Variants in PCDHGA4 observed in about 807,000 individuals in gnomAD.
PCDHGA4 encodes the protein protocadherin gamma-A4.
A neutral mutation model predicts 54.6 loss-of-function variants in PCDHGA4; 38 were observed. That is an observed-to-expected ratio of 0.70 (90% CI 0.54 to 0.91). The LOEUF is 0.91. PCDHGA4 is among the 40% of genes least tolerant of loss of function. PCDHGA4 has a pLI of 0.00. For synonymous variants in PCDHGA4, 511 were observed against 512.9 expected (o/e 1.00, Z 0.05); for missense variants, 1,298 against 1,220.9 (o/e 1.06, Z -0.94).
chr5:141,431,462 G>A lies in PCDHGA4; in HGVS notation c.2515-63345G>A. ...GCGCATCCGCGTGATGGTTCTGGAT[G>A]CGAACGACAACGCACCAGCGTTTGC... On this transcript the variant is annotated intron_variant, in intron 1 of 3. Transcript: ENST00000571252. This position sits in a 1 kb window ranked among gnomAD's most constrained non-coding sequence, Gnocchi z 4.8. 6.2e-7 allele frequency: 1 copy of A among 1,613,826 alleles called. No individual in the cohort carries two copies. The highest frequency in any genetic ancestry group is 2.2e-5 in the East Asian group (1 of 44,886).
chr5:141,364,114 T>C, intron 1 of PCDHGA4: 4 of 451,898 alleles, frequency 8.9e-6, no homozygotes, highest in Non-Finnish European at 1.5e-5. Flanking sequence ...TGGTTAGGAC[T>C]CTGAGTGTCG....
chr5:141,372,093 C>T (rs775337385), intron 1 of PCDHGA4: 1 of 1,613,786 alleles, frequency 6.2e-7, no homozygotes, highest in Admixed American at 1.7e-5. Flanking sequence ...GTACCCAGCT[C>T]TGGGGCCCGA....
intron 1 of PCDHGA4, chr5:141,398,674 A>T: frequency 6.2e-7 from 1 of 1,614,010 alleles, no homozygotes; most frequent in Non-Finnish European, 8.5e-7. Context: ...ATTAATAATT[A>T]AGGAGAAACA....
rs1688094877 is a variant in PCDHGA4 at position 141,432,625 on chromosome 5, C to T, written c.2515-62182C>T. 1.2e-6 allele frequency: 2 copies of T among 1,613,240 alleles called. No individual in the cohort carries two copies. The highest frequency in any genetic ancestry group is 1.7e-6 in the Non-Finnish European group (2 of 1,179,778). ...CGGGACTCTTCTCGGTGGGTCTGCA[C>T]ACGGGCGAGGTGCGCACGGCGCGAG... On this transcript the variant is annotated intron_variant, in intron 1 of 3. Coordinates refer to ENST00000571252, the MANE Select transcript of PCDHGA4 (RefSeq NM_018917.4). The surrounding 1 kb of genome is among the most constrained non-coding windows in gnomAD (Gnocchi z 6.0).
intron 1 of PCDHGA4, chr5:141,403,999 T>C (rs1399272947): frequency 3.1e-6 from 5 of 1,613,898 alleles, no homozygotes; most frequent in Non-Finnish European, 4.2e-6. Context: ...AAGTGACCAT[T>C]ACATCTCTGT....
Position 141,357,577 on chromosome 5 carries a change from A to T in PCDHGA4, c.2470A>T (p.Ile824Leu), listed in dbSNP as rs1202708968. 6.2e-7 allele frequency: 1 copy of T among 1,614,198 alleles called. No individual in the cohort carries two copies. Among genetic ancestry groups the T allele is most frequent in the East Asian group, 2.2e-5 (1 of 44,888 alleles). The change falls in exon 1 of 4, where the codon ATA (isoleucine) becomes TTA (leucine). Residue 824 changes from isoleucine (I) to leucine (L), a missense_variant. Physicochemically the swap from Ile to Leu is conservative, Grantham distance 5. Transcript: ENST00000571252. ...TTGTGAGAAAAGCGAGCCTCTTCTG[A>T]TAACTCAGGATTTACTTGAAACAAA... ...ESCEKSEPLL[I>L]TQDLLETKGD...
chr5:141,379,418 GA>G (rs1208942827), intron 1 of PCDHGA4: 1 of 152,186 alleles, frequency 6.6e-6, no homozygotes, highest in African/African-American at 2.4e-5. Context: ...TTAGTCTCAT[GA>G]GTTAGATGGG....
intron 1 of PCDHGA4, among the ~76,000 whole-genome samples, chr5:141,462,798 C>A (rs1458659959): frequency 6.6e-6 from 1 of 152,072 alleles, no homozygotes; most frequent in Non-Finnish European, 1.5e-5. Flanking sequence ...ATTTGCATGT[C>A]TAATAATGTT....
intron 1 of PCDHGA4, chr5:141,422,190 A>G (rs761351024): frequency 6.4e-7 from 1 of 1,561,412 alleles, no homozygotes. Flanking sequence ...TGGAAATTCA[A>G]GGCCAAGATG....
At chr5:141,414,496 C>T in intron 1 of PCDHGA4, 7 of 1,613,956 alleles carry the variant, frequency 4.3e-6, no homozygotes, top group Middle Eastern at 1.6e-4. Flanking sequence ...AACGGAAGCT[C>T]ACTTTATGCT....
chr5:141,392,785 T>G (rs1329989423), intron 1 of PCDHGA4: 2 of 1,549,000 alleles, frequency 1.3e-6, no homozygotes, highest in African/African-American at 2.7e-5. Flanking sequence ...ACAGTGAAGA[T>G]TCTGAGAGGA....
intron 1 of PCDHGA4, chr5:141,427,993 C>G: frequency 6.3e-7 from 1 of 1,599,460 alleles, no homozygotes; most frequent in South Asian, 1.1e-5. Flanking sequence ...CCCGATGGCT[C>G]CGCACTCTTC....
Position 141,491,034 on chromosome 5 carries a change from T to C in PCDHGA4, c.2515-3773T>C, listed in dbSNP as rs375902824. On this transcript the variant is annotated intron_variant, in intron 1 of 3. Coordinates refer to ENST00000571252, the MANE Select transcript of PCDHGA4 (RefSeq NM_018917.4). The surrounding 1 kb of genome is among the most constrained non-coding windows in gnomAD (Gnocchi z 6.9). The stretch of plus-strand genomic sequence containing the variant: ...CCAAGGTGACAGCCGTGGATGCTGA[T>C]GCAGGCCACAATGCGTGGCTCTCCT... 19 of 1,614,170 alleles carry C rather than the reference T, an allele frequency of 1.2e-5. No homozygotes were observed. Among genetic ancestry groups the C allele is most frequent in the East Asian group, 4.5e-5 (2 of 44,894 alleles).
intron 1 of PCDHGA4, chr5:141,367,540 A>G (rs965275207): frequency 2.6e-4 from 27 of 102,848 alleles, no homozygotes; most frequent in African/African-American, 1.6e-3. Context: ...CCGTCTCAAA[A>G]TAAATAAATA....
intron 1 of PCDHGA4, among the ~76,000 whole-genome samples, chr5:141,386,156 G>A (rs3806832): frequency 0.081 from 12,379 of 152,152 alleles, 653 homozygotes; most frequent in African/African-American, 0.15. Context: ...ACTGTCTCAC[G>A]TACTCAAACC....
intron 1 of PCDHGA4, chr5:141,419,596 G>A (rs377287183): frequency 2.6e-5 from 42 of 1,611,564 alleles, no homozygotes; most frequent in Non-Finnish European, 3.3e-5. Flanking sequence ...ACACAGTGCC[G>A]CGGGCCGCGC....
chr5:141,455,737 A>T (rs1290390106), intron 1 of PCDHGA4, among the ~76,000 whole-genome samples: 1 of 152,162 alleles, frequency 6.6e-6, no homozygotes, highest in Non-Finnish European at 1.5e-5. Context: ...TTTGCATATC[A>T]AAGGTTGCTG....
At chr5:141,375,512 C>G in intron 1 of PCDHGA4, 3 of 1,614,054 alleles carry the variant, frequency 1.9e-6, no homozygotes, top group Non-Finnish European at 2.5e-6. Flanking sequence ...TGTGAATGCA[C>G]TGGACCCTGA....
At chr5:141,402,826 G>A (rs776479870) in intron 1 of PCDHGA4, 37 of 1,328,842 alleles carry the variant, frequency 2.8e-5, no homozygotes, top group Middle Eastern at 2.7e-4. Flanking sequence ...CCTGCTCCCA[G>A]GCTGCAGCAA....
Sources: allele counts gnomAD v4.1 joint callset (sites outside exome capture counted in the v4.1 genomes callset), GRCh38; gene constraint gnomAD v4.1.1; non-coding constraint Gnocchi (gnomAD v3.1); transcripts MANE v1.5; gene names NCBI Gene and HGNC (gene_info 2026-07-23, HGNC 2026-07-21).